The following MAMLD1 variants were observed in gnomAD, a reference collection of about 807,000 sequenced individuals.
MAMLD1 encodes the protein mastermind like domain containing 1, also known as mastermind-like domain-containing protein 1.
In MAMLD1, 14 loss-of-function variants were observed where a neutral mutation model predicts 45.0. The ratio of observed to expected loss-of-function variants is 0.31; its 90% CI spans 0.21 to 0.49. The LOEUF is 0.49. Among genes scored for constraint, MAMLD1 ranks in the 20% least tolerant of loss-of-function variants. The probability of loss-of-function intolerance (pLI) is 0.99; values close to 1 mark genes in which losing one functional copy is unlikely to be tolerated. For synonymous variants in MAMLD1, 254 were observed against 247.8 expected (o/e 1.02, Z -0.24); for missense variants, 543 against 603.6 (o/e 0.90, Z 1.05).
At chrX:150,457,025 A>G (rs1557405369) in intron 2 of MAMLD1, among the ~76,000 whole-genome samples, 3 of 113,045 alleles carry the variant, frequency 2.7e-5, no homozygotes, top group Non-Finnish European at 5.6e-5. Context: ...AAACTCTGCC[A>G]TAGGACATTA....
At chrX:150,415,681 T>G (rs188311773) in intron 1 of MAMLD1, among the ~76,000 whole-genome samples, 1 of 112,164 alleles carries the variant, frequency 8.9e-6, no homozygotes. Context: ...AGTCGAGGAA[T>G]GGTAGTGGAT....
At chrX:150,451,644 AT>A (rs1412379504) in intron 2 of MAMLD1, among the ~76,000 whole-genome samples, 41 of 111,390 alleles carry the variant, frequency 3.7e-4, no homozygotes, top group African/African-American at 1.3e-3. Context: ...TTGATATAGA[AT>A]AATTTGTTGG....
chrX:150,407,367 C>T (rs781828646), intron 1 of MAMLD1, among the ~76,000 whole-genome samples: 42 of 111,828 alleles, frequency 3.8e-4, no homozygotes, highest in Non-Finnish European at 4.7e-4. Flanking sequence ...GCGACAAAGT[C>T]ACAGATTATG....
intron 5 of MAMLD1, among the ~76,000 whole-genome samples, chrX:150,500,884 AATCTC>A (rs2037530854): frequency 9.0e-6 from 1 of 111,595 alleles, no homozygotes; most frequent in African/African-American, 3.3e-5. Flanking sequence ...CAAGAGACTG[AATCTC>A]ATCTCTTTTA....
intron 1 of MAMLD1, among the ~76,000 whole-genome samples, chrX:150,441,200 C>A (rs1174363080): frequency 2.8e-5 from 3 of 108,099 alleles, no homozygotes; most frequent in African/African-American, 1.0e-4. Flanking sequence ...GTGTTGGGAA[C>A]ATTGCAAGTC....
chrX:150,375,619 G>A (rs1398047734), intron 1 of MAMLD1, among the ~76,000 whole-genome samples: 3 of 112,467 alleles, frequency 2.7e-5, no homozygotes, highest in Non-Finnish European at 5.6e-5. Flanking sequence ...GAATTGCCTT[G>A]CAAACAGATT....
chrX:150,388,496 G>T (rs1473722142), intron 1 of MAMLD1, among the ~76,000 whole-genome samples: 1 of 112,059 alleles, frequency 8.9e-6, no homozygotes, highest in Admixed American at 9.4e-5. Context: ...GATTTTTGGA[G>T]GGAGTTTTAC....
Position 150,445,527 on chromosome X carries a change from G to A in MAMLD1, c.11G>A (p.Trp4Ter). 1 of 1,209,808 alleles carries A rather than the reference G, an allele frequency of 8.3e-7. No individual in the cohort carries two copies. The change falls in exon 2 of 8, where the codon TGG (tryptophan) becomes TAG (stop). Residue 4 changes from tryptophan to a stop codon, truncating the protein, a stop_gained. Transcript: ENST00000370401. LOFTEE classifies it high-confidence loss of function. MDD[W>*]KSRLVIKSML... is the part of the protein sequence containing the mutation. ...TTTGCAGGTCAAACAATGGATGACT[G>A]GAAAAGTCGGCTTGTAATCAAGAGC...
At chrX:150,444,042 C>T (rs1458413644) in intron 1 of MAMLD1, among the ~76,000 whole-genome samples, 1 of 112,203 alleles carries the variant, frequency 8.9e-6, no homozygotes. Flanking sequence ...TCTGACACTG[C>T]TCTGGCAGGG....
chrX:150,499,942 C>CA (rs1243327367), intron 5 of MAMLD1, among the ~76,000 whole-genome samples: 4 of 110,804 alleles, frequency 3.6e-5, no homozygotes, highest in African/African-American at 1.3e-4. Flanking sequence ...GTGTTTATCC[C>CA]AAAAAAAAGA....
chrX:150,385,848 G>C (rs930049328), intron 1 of MAMLD1, among the ~76,000 whole-genome samples: 1 of 111,942 alleles, frequency 8.9e-6, no homozygotes, highest in Non-Finnish European at 1.9e-5. Context: ...TTTAGCTTCA[G>C]GTCCTGTATC....
At chrX:150,438,893 T>C (rs186849141) in intron 1 of MAMLD1, among the ~76,000 whole-genome samples, 60 of 112,189 alleles carry the variant, frequency 5.3e-4, no homozygotes, top group African/African-American at 1.9e-3. Context: ...AAATGGTAAT[T>C]CTATGTTTAA....
chrX:150,367,152 A>G (rs782579380), intron 1 of MAMLD1, among the ~76,000 whole-genome samples: 16 of 107,744 alleles, frequency 1.5e-4, no homozygotes, highest in African/African-American at 5.4e-4. Flanking sequence ...TCATTAGCAA[A>G]GGGTGACTTC....
intron 1 of MAMLD1, among the ~76,000 whole-genome samples, chrX:150,416,797 A>T (rs998266116): frequency 8.9e-6 from 1 of 112,243 alleles, no homozygotes; most frequent in Non-Finnish European, 1.9e-5. Flanking sequence ...TGGTTCCAAG[A>T]ATGGAGATAA....
chrX:150,378,784 C>G (rs781945745), intron 1 of MAMLD1, among the ~76,000 whole-genome samples: 2 of 111,160 alleles, frequency 1.8e-5, no homozygotes, highest in African/African-American at 6.6e-5. Flanking sequence ...AGGTTTGTCC[C>G]GTGGGAACTC....
In MAMLD1 at chrX:150,469,914, C is replaced by T; in HGVS notation, c.341C>T (p.Thr114Ile). The T allele has an allele frequency of 8.3e-7, 1 of 1,211,883 alleles. No individual in the cohort carries two copies. The change falls in exon 4 of 8, where the codon ACA becomes ATA. Residue 114 changes from threonine (T) to isoleucine (I), a missense_variant. Transcript: ENST00000370401. ...GCAGAACTGCAGGTCCCTCCATTGACAATAAATCCTAGCCCTGCGGCTATG... is the reference window on the plus strand; with the variant it reads ...GCAGAACTGCAGGTCCCTCCATTGATAATAAATCCTAGCCCTGCGGCTATG... ...ACAELQVPPL[T>I]INPSPAAMGV...
chrX:150,509,727 T>A (rs1379485991), intron 6 of MAMLD1: 1 of 414,137 alleles, frequency 2.4e-6, no homozygotes, highest in Non-Finnish European at 4.2e-6. Flanking sequence ...CTGTCTCTCC[T>A]GCCCCATTCT....
At chrX:150,446,931 A>G (rs192055145) in intron 2 of MAMLD1, among the ~76,000 whole-genome samples, 1 of 112,663 alleles carries the variant, frequency 8.9e-6, no homozygotes, top group Non-Finnish European at 1.9e-5. Context: ...CTTGGGCCAA[A>G]TTGTAGAAGA....
chrX:150,479,191 T>C (rs1488090080), intron 5 of MAMLD1, among the ~76,000 whole-genome samples: 1 of 112,465 alleles, frequency 8.9e-6, no homozygotes, highest in Non-Finnish European at 1.9e-5. Flanking sequence ...GCTAACCTTT[T>C]AAATGTCAAC....
Sources: gnomAD v4.1 joint callset for allele counts (sites outside exome capture counted in the v4.1 genomes callset) on GRCh38, gnomAD v4.1.1 for gene constraint, MANE v1.5 for transcripts, NCBI Gene and HGNC (gene_info 2026-07-23, HGNC 2026-07-21) for gene names.